Variants in PPP4R3B observed in about 807,000 individuals in gnomAD.
PPP4R3B encodes the protein serine/threonine-protein phosphatase 4 regulatory subunit 3B.
In PPP4R3B, 52 loss-of-function variants were observed where a neutral mutation model predicts 95.4. The ratio of observed to expected loss-of-function variants is 0.54; its 90% CI spans 0.44 to 0.69. The LOEUF (loss-of-function observed/expected upper bound fraction) is 0.69. Ranked by LOEUF, PPP4R3B falls within the 30% of genes least tolerant of loss-of-function variation. PPP4R3B has a pLI of 0.00. For missense variants in PPP4R3B, 1,003 were observed against 1,005.9 expected (o/e 1.00, Z 0.04); for synonymous variants, 407 against 343.9 (o/e 1.18, Z -2.03).
intron 11 of PPP4R3B, among the ~76,000 whole-genome samples, chr2:55,574,017 T>C (rs1030510611): frequency 4.6e-5 from 7 of 150,560 alleles, no homozygotes; most frequent in African/African-American, 1.7e-4. Flanking sequence ...GCTGCCAGAG[T>C]AGCTGGAACT....
chr2:55,605,735 G>A (rs544604905), intron 2 of PPP4R3B, among the ~76,000 whole-genome samples: 13 of 151,908 alleles, frequency 8.6e-5, no homozygotes, highest in Non-Finnish European at 1.5e-4. Flanking sequence ...GTGAAACCCC[G>A]TCTCTACTAA....
intron 2 of PPP4R3B, 106 bp downstream of exon 2, chr2:55,615,345 C>T (rs1694743364): frequency 3.4e-6 from 3 of 875,836 alleles, no homozygotes; most frequent in Admixed American, 2.7e-5. Flanking sequence ...TCTTTGTTTA[C>T]CAAACATGTT....
In PPP4R3B at chr2:55,609,097, G is replaced by C. The variant is rs1572734535; in HGVS notation, c.199-5021C>G. On this transcript the variant is annotated intron_variant, in intron 2 of 16. Coordinates refer to ENST00000616407, the MANE Select transcript of PPP4R3B (RefSeq NM_001122964.3). ...GGTCAGATCAACAAGACTCAGTCTT[G>C]AGCTCTGTTCTTTTCTCAATTTATA... Among the ~76,000 whole-genome samples the C allele has an allele frequency of 2.0e-5, 3 of 152,174 alleles. No individual in the cohort carries two copies. The South Asian group carries it at 6.2e-4, about 32-fold the overall frequency.
intron 2 of PPP4R3B, chr2:55,614,392 A>C (rs545190908): frequency 6.6e-6 from 1 of 152,352 alleles, no homozygotes; most frequent in South Asian, 2.1e-4. Flanking sequence ...TATGTCATAC[A>C]TAAGAATACT....
At chr2:55,612,194 G>A (rs1375408386) in intron 2 of PPP4R3B, among the ~76,000 whole-genome samples, 1 of 152,142 alleles carries the variant, frequency 6.6e-6, no homozygotes. Flanking sequence ...TTGAGCCTAG[G>A]AGTTCAAGCT....
intron 2 of PPP4R3B, among the ~76,000 whole-genome samples, chr2:55,613,099 A>C (rs1694405879): frequency 6.6e-6 from 1 of 152,184 alleles, no homozygotes; most frequent in African/African-American, 2.4e-5. Flanking sequence ...GGACAGAAGA[A>C]GACCCTCTCA....
At chr2:55,614,746 T>C (rs1440172590) in intron 2 of PPP4R3B, 3 of 152,212 alleles carry the variant, frequency 2.0e-5, no homozygotes, top group African/African-American at 4.8e-5. Context: ...AACATTAACA[T>C]TGTTAAATCT....
chr2:55,607,741 G>A (rs1396521500), intron 2 of PPP4R3B, among the ~76,000 whole-genome samples: 2 of 152,164 alleles, frequency 1.3e-5, no homozygotes, highest in African/African-American at 2.4e-5. Context: ...CCCTTCTGGA[G>A]GATGGCGGAT....
chr2:55,564,191 G>A (rs370475301), intron 15 of PPP4R3B, 122 bp downstream of exon 15: 56 of 707,962 alleles, frequency 7.9e-5, no homozygotes, highest in African/African-American at 7.8e-4. Flanking sequence ...AAAGAACACA[G>A]TTTGGTATAA....
intron 13 of PPP4R3B, among the ~76,000 whole-genome samples, chr2:55,566,579 G>A (rs1186907895): frequency 6.6e-6 from 1 of 152,030 alleles, no homozygotes; most frequent in Non-Finnish European, 1.5e-5. Context: ...TCATATACTT[G>A]GCAATTGACC....
At chr2:55,575,916 T>C in intron 11 of PPP4R3B, among the ~76,000 whole-genome samples, 1 of 152,226 alleles carries the variant, frequency 6.6e-6, no homozygotes, top group East Asian at 1.9e-4. Context: ...CCATCACATA[T>C]AAATACACAA....
chr2:55,610,701 G>A (rs567750706), intron 2 of PPP4R3B, among the ~76,000 whole-genome samples: 36 of 152,196 alleles, frequency 2.4e-4, no homozygotes, highest in Admixed American at 6.5e-4. Flanking sequence ...ATGCTTTCAC[G>A]GGCTTTCAGT....
At chr2:55,564,279 G>A in intron 15 of PPP4R3B, 34 bp downstream of exon 15, 2 of 1,577,634 alleles carry the variant, frequency 1.3e-6, no homozygotes, top group South Asian at 2.3e-5. Flanking sequence ...CTAAATAAGA[G>A]GGTACACTGT....
chr2:55,570,058 T>C (rs973669040), intron 12 of PPP4R3B, among the ~76,000 whole-genome samples: 5 of 152,074 alleles, frequency 3.3e-5, no homozygotes, highest in Non-Finnish European at 7.4e-5. Flanking sequence ...GAGACAAGCC[T>C]GGCCAACATG....
At position 55,598,996 on chromosome 2, in the gene PPP4R3B, A is replaced by G. The variant is rs367741752; in HGVS notation, c.341T>C (p.Ile114Thr). ...AAATCGTTCTTCTTCAGATTCATCA[A>G]TGAGGTCCTGTGTGACTTCCACTGA... ...DPSVEVTQDL[I>T]DESEEERFEE... Residue 114 changes from isoleucine (I) to threonine (T), a missense_variant, in exon 4 of 17, where the codon ATT becomes ACT. Around this residue, in one of 3 missense-constraint regions of PPP4R3B, gnomAD observed 695 missense variants for 686.2 expected, o/e 1.01. Coordinates refer to ENST00000616407, the MANE Select transcript of PPP4R3B (RefSeq NM_001122964.3). 9.3e-6 allele frequency: 15 copies of G among 1,613,924 alleles called. No homozygotes were observed. Among genetic ancestry groups the G allele is most frequent in the African/African-American group, 2.7e-5 (2 of 74,946 alleles).
At chr2:55,599,337 C>G (rs1443329209) in intron 3 of PPP4R3B, among the ~76,000 whole-genome samples, 1 of 152,048 alleles carries the variant, frequency 6.6e-6, no homozygotes, top group East Asian at 1.9e-4. Flanking sequence ...ACTCAGGTGG[C>G]TGAGGCAGGA....
At chr2:55,595,658 T>C (rs1304156779) in intron 4 of PPP4R3B, among the ~76,000 whole-genome samples, 2 of 151,628 alleles carry the variant, frequency 1.3e-5, no homozygotes, top group Non-Finnish European at 2.9e-5. Flanking sequence ...AATACCTGGC[T>C]TAACAAATGA....
intron 12 of PPP4R3B, 115 bp from the exon 13 acceptor site, chr2:55,568,478 T>C (rs545945313): frequency 1.2e-6 from 1 of 823,238 alleles, no homozygotes; most frequent in Non-Finnish European, 1.7e-6. Flanking sequence ...AAAGTAAAAC[T>C]GTGTATAAAG....
Position 55,603,957 on chromosome 2 carries a change from ATAT to A in PPP4R3B, c.297+18_297+20del. 6.5e-7 allele frequency: 1 copy of A among 1,543,192 alleles called. No homozygotes were observed. The highest frequency in any genetic ancestry group is 1.2e-5 in the South Asian group (1 of 82,600). On this transcript the variant is annotated intron_variant, in intron 3 of 16. Coordinates refer to ENST00000616407, the MANE Select transcript of PPP4R3B (RefSeq NM_001122964.3). ...AGAAAAGAAGCAAACATTAAGTTAA[ATAT>A]TATAAAAAGAAACTTACCTGACAAA...
Sources: allele counts gnomAD v4.1 joint callset (sites outside exome capture counted in the v4.1 genomes callset), GRCh38; gene constraint gnomAD v4.1.1; regional missense constraint gnomAD v4.1.1; transcripts MANE v1.5; gene names NCBI Gene and HGNC (gene_info 2026-07-23, HGNC 2026-07-21).